Variants in LAMA2 observed in about 807,000 individuals in gnomAD.
LAMA2 encodes the protein laminin subunit alpha 2.
Under a neutral mutation model 364.8 loss-of-function variants are expected in LAMA2, and 269 were observed. That is an observed-to-expected ratio of 0.74 (90% CI 0.67 to 0.82). The LOEUF (loss-of-function observed/expected upper bound fraction) is 0.82. Among genes scored for constraint, LAMA2 ranks in the 40% least tolerant of loss-of-function variants. LAMA2 has a pLI of 0.00. For synonymous variants in LAMA2, 1,379 were observed against 1,370.6 expected, an observed-to-expected ratio of 1.01 and a Z score of -0.14; for missense variants, 3,807 against 3,873.2, an observed-to-expected ratio of 0.98 and a Z score of 0.45.
At chr6:129,513,471 C>G (rs1443681743) in intron 63 of LAMA2, among the ~76,000 whole-genome samples, 5 of 152,140 alleles carry the variant, frequency 3.3e-5, no homozygotes, top group African/African-American at 1.2e-4. Context: ...CTTTTACATG[C>G]AAAAGCCTGT....
chr6:129,516,330 T>C lies in LAMA2; in HGVS notation c.9352T>C (p.Ser3118Pro). 1 of 1,614,048 alleles carries C rather than the reference T, an allele frequency of 6.2e-7. No individual in the cohort carries two copies. The highest frequency in any genetic ancestry group is 8.5e-7 in the Non-Finnish European group (1 of 1,179,972). The part of the protein sequence containing the change: ...ALELRGVQPV[S>P]CPAN ...GGAACTGAGGGGCGTTCAACCTGTATCATGCCCAGCCAACTAATAAAAATA... is the reference window on the plus strand; with the variant it reads ...GGAACTGAGGGGCGTTCAACCTGTACCATGCCCAGCCAACTAATAAAAATA... The change falls in exon 65 of 65, where the codon TCA becomes CCA. Residue 3118 changes from serine to proline, a missense_variant. Transcript: ENST00000421865.
At chr6:129,188,643 A>G (rs931035921) in intron 10 of LAMA2, among the ~76,000 whole-genome samples, 8 of 151,976 alleles carry the variant, frequency 5.3e-5, no homozygotes, top group African/African-American at 2.4e-5. Context: ...GCTGATATCT[A>G]TCATTTCAAA....
At chr6:129,411,812 C>T (rs1780553483) in intron 40 of LAMA2, among the ~76,000 whole-genome samples, 2 of 151,566 alleles carry the variant, frequency 1.3e-5, no homozygotes, top group Middle Eastern at 3.4e-3. Flanking sequence ...TATAAAGGGG[C>T]AAAAGTGAAC....
At chr6:129,317,500 A>G (rs1333767969) in intron 27 of LAMA2, among the ~76,000 whole-genome samples, 1 of 152,144 alleles carries the variant, frequency 6.6e-6, no homozygotes, top group Non-Finnish European at 1.5e-5. Context: ...TTTTAGTAAA[A>G]GAGTAAATTA....
At chr6:128,956,730 T>C (rs1781171204) in intron 1 of LAMA2, among the ~76,000 whole-genome samples, 1 of 152,124 alleles carries the variant, frequency 6.6e-6, no homozygotes, top group Non-Finnish European at 1.5e-5. Context: ...TATCATCTAC[T>C]GCTTCTATTT....
intron 1 of LAMA2, among the ~76,000 whole-genome samples, chr6:129,044,734 A>T (rs1422497283): frequency 1.3e-5 from 2 of 152,128 alleles, no homozygotes; most frequent in African/African-American, 4.8e-5. Flanking sequence ...TCAGAAAAAA[A>T]ATGTCAATCA....
At chr6:128,991,168 A>T (rs1562900958) in intron 1 of LAMA2, among the ~76,000 whole-genome samples, 1 of 152,018 alleles carries the variant, frequency 6.6e-6, no homozygotes, top group Non-Finnish European at 1.5e-5. Flanking sequence ...ATTTTTACTA[A>T]TTTTTTTCCG....
chr6:129,401,031 T>C (rs1228107760), intron 37 of LAMA2, among the ~76,000 whole-genome samples, 193 bp from the exon 38 acceptor site: 1 of 152,218 alleles, frequency 6.6e-6, no homozygotes, highest in Non-Finnish European at 1.5e-5. Flanking sequence ...AGAAATAACC[T>C]GTACAAGCCT....
At chr6:129,385,618 T>C (rs753573375) in intron 35 of LAMA2, among the ~76,000 whole-genome samples, 2 of 152,178 alleles carry the variant, frequency 1.3e-5, no homozygotes, top group South Asian at 2.1e-4. Flanking sequence ...TCACCTTCTA[T>C]TCATCTAAGG....
chr6:129,203,549 TA>T (rs1782437383), intron 12 of LAMA2, among the ~76,000 whole-genome samples: 1 of 152,176 alleles, frequency 6.6e-6, no homozygotes, highest in South Asian at 2.1e-4. Context: ...ATCTACAAGC[TA>T]AGGAGAGAGG....
intron 32 of LAMA2, among the ~76,000 whole-genome samples, chr6:129,357,092 A>T (rs1456511284): frequency 6.6e-6 from 1 of 152,068 alleles, no homozygotes; most frequent in Admixed American, 6.6e-5. Context: ...CTCCTCTTTC[A>T]ACTGTCATTC....
rs1285008632 is a variant in LAMA2 at position 129,204,765 on chromosome 6, AT to A, written c.1782+11916del. Reference sequence around the variant, plus strand: ...CATCAATTATTTTTAAAATCTCATAATTTTCATTCTTGTTATATATATATAA... The same window carrying A: ...CATCAATTATTTTTAAAATCTCATAATTTCATTCTTGTTATATATATATAA... On this transcript the variant is annotated intron_variant, in intron 12 of 64. Coordinates refer to ENST00000421865, the MANE Select transcript of LAMA2 (RefSeq NM_000426.4). 6.6e-5 allele frequency among the ~76,000 whole-genome samples: 10 copies of A among 152,232 alleles called. No individual in the cohort carries two copies. In the East Asian group the frequency reaches 1.9e-3, roughly 29 times the overall value.
rs892736520 is a variant in LAMA2 at position 129,082,910 on chromosome 6, C to T, written c.397-15263C>T. ...TTGCTACTTTCCTATTGATTGTTTTCCTCATATGTATCTTGAGATTTTAGT... is the reference window on the plus strand; with the variant it reads ...TTGCTACTTTCCTATTGATTGTTTTTCTCATATGTATCTTGAGATTTTAGT... On this transcript the variant is annotated intron_variant, in intron 3 of 64. Transcript: ENST00000421865. Among the ~76,000 whole-genome samples the T allele has an allele frequency of 3.3e-5, 5 of 152,008 alleles. No individual in the cohort carries two copies. The South Asian group carries it at 8.3e-4, about 25-fold the overall frequency.
At chr6:129,357,560 A>G (rs976356972) in intron 32 of LAMA2, among the ~76,000 whole-genome samples, 2 of 151,992 alleles carry the variant, frequency 1.3e-5, no homozygotes, top group African/African-American at 4.8e-5. Flanking sequence ...TGCAAAAGTG[A>G]TCATGAACTA....
chr6:129,171,070 C>T (rs544437366), intron 9 of LAMA2, among the ~76,000 whole-genome samples: 1 of 152,136 alleles, frequency 6.6e-6, no homozygotes, highest in South Asian at 2.1e-4. Flanking sequence ...ATGTGTGTCT[C>T]TGCACATGAG....
intron 1 of LAMA2, among the ~76,000 whole-genome samples, chr6:128,923,522 A>G (rs1437987108): frequency 6.6e-6 from 1 of 152,258 alleles, no homozygotes; most frequent in East Asian, 1.9e-4. Flanking sequence ...GAAAACTAAG[A>G]TACCTAAATT....
chr6:128,995,687 G>C (rs951614455), intron 1 of LAMA2, among the ~76,000 whole-genome samples: 3 of 152,048 alleles, frequency 2.0e-5, no homozygotes, highest in Non-Finnish European at 4.4e-5. Context: ...CCCAGTGTCT[G>C]TTGTTCCCAC....
At chr6:129,319,155 C>T (rs765145052) in intron 27 of LAMA2, among the ~76,000 whole-genome samples, 10 of 151,726 alleles carry the variant, frequency 6.6e-5, no homozygotes, top group Non-Finnish European at 1.5e-4. Flanking sequence ...TTAGATTATG[C>T]GTGATCATTA....
At chr6:129,310,861 G>A (rs1297966563) in intron 22 of LAMA2, among the ~76,000 whole-genome samples, 1 of 152,092 alleles carries the variant, frequency 6.6e-6, no homozygotes, top group Non-Finnish European at 1.5e-5. Context: ...TACAGCCTAT[G>A]GATGGTCAAA....
Sources: allele counts gnomAD v4.1 joint callset (sites outside exome capture counted in the v4.1 genomes callset), GRCh38; gene constraint gnomAD v4.1.1; transcripts MANE v1.5; gene names NCBI Gene and HGNC (gene_info 2026-07-23, HGNC 2026-07-21).